The following SEPTIN9 variants were observed in gnomAD, a reference collection of about 807,000 sequenced individuals.
SEPTIN9 encodes septin-9.
In SEPTIN9, 13 loss-of-function variants were observed where a neutral mutation model predicts 56.6. That is an observed-to-expected ratio of 0.23 (90% CI 0.15 to 0.37). SEPTIN9 has a LOEUF of 0.37. SEPTIN9 is among the 10% of genes least tolerant of loss of function. The pLI is 1.00. For missense variants in SEPTIN9, 650 were observed against 823.1 expected (o/e 0.79, Z 2.57); for synonymous variants, 332 against 334.1 (o/e 0.99, Z 0.07).
At chr17:77,297,592 G>C (rs1173792469) in intron 1 of SEPTIN9, among the ~76,000 whole-genome samples, 1 of 152,206 alleles carries the variant, frequency 6.6e-6, no homozygotes, top group Non-Finnish European at 1.5e-5. Context: ...AGAAGTTGAA[G>C]ATGAACTGTT....
intron 2 of SEPTIN9, chr17:77,375,359 TC>T (rs2040867563): frequency 6.6e-6 from 1 of 152,088 alleles, no homozygotes; most frequent in South Asian, 2.1e-4. Context: ...ACAGAAAGTG[TC>T]GGGCCCCCAG....
intron 3 of SEPTIN9, among the ~76,000 whole-genome samples, chr17:77,432,119 C>A (rs1236962595): frequency 1.3e-5 from 2 of 152,190 alleles, no homozygotes; most frequent in Non-Finnish European, 2.9e-5. Flanking sequence ...CCGTGTGAAC[C>A]AGAGCCCGGC....
At chr17:77,385,889 G>A (rs2035318945) in intron 2 of SEPTIN9, among the ~76,000 whole-genome samples, 2 of 152,192 alleles carry the variant, frequency 1.3e-5, no homozygotes, top group South Asian at 4.1e-4. Context: ...AGGCCCCTGC[G>A]GCTGTGCCTT....
In SEPTIN9 at chr17:77,395,072, GT is replaced by G. The variant is rs992353776; in HGVS notation, c.77-6974del. Among the ~76,000 whole-genome samples, 307 of 138,884 alleles carry G rather than the reference GT, an allele frequency of 2.2e-3. 2 individuals are homozygous for G. The highest frequency in any genetic ancestry group is 5.5e-3 in the African/African-American group (186 of 33,908). 91.1% of individuals were successfully genotyped at this position (138,884 alleles called of 152,430 possible). ...GGCATCAAGGTCTGTGTATGTGTGT[GT>G]TTTTTTTTTTTTAATTTTGTTTTTC... On this transcript the variant is annotated intron_variant, in intron 2 of 11. Transcript: ENST00000427177.
chr17:77,424,255 G>T (rs546980482), intron 3 of SEPTIN9, among the ~76,000 whole-genome samples: 4 of 152,258 alleles, frequency 2.6e-5, no homozygotes, highest in Non-Finnish European at 5.9e-5. Flanking sequence ...CTGGCCTCAG[G>T]CCACACAGCT....
rs2035930211 is a variant in SEPTIN9, at chr17:77,402,388, G to A, written c.406G>A (p.Glu136Lys). ...GPSRFGLKRA[E>K]VLGHKTPEPA... The stretch of plus-strand genomic sequence containing the variant: ...GTCCCGGTTCGGGCTCAAGAGGGCC[G>A]AGGTGTTGGGCCACAAGACGCCAGA... Residue 136 changes from glutamate to lysine, a missense_variant, in exon 3 of 12, where the codon GAG becomes AAG. Glu to Lys is a moderately conservative substitution (Grantham distance 56, BLOSUM62 1). Transcript: ENST00000427177. The surrounding 1 kb of genome is among the most constrained non-coding windows in gnomAD (Gnocchi z 6.6). The A allele has an allele frequency of 2.5e-6, 4 of 1,611,554 alleles. No individual in the cohort carries two copies. The highest frequency in any genetic ancestry group is 3.4e-6 in the Non-Finnish European group (4 of 1,179,440).
intron 2 of SEPTIN9, among the ~76,000 whole-genome samples, chr17:77,383,834 C>G (rs755464257): frequency 2.2e-4 from 33 of 152,244 alleles, no homozygotes; most frequent in Non-Finnish European, 3.8e-4. Context: ...TGGCCTTGCC[C>G]TTGCCCACAC....
chr17:77,377,263 G>T (rs1471035505), intron 2 of SEPTIN9: 3 of 152,164 alleles, frequency 2.0e-5, no homozygotes, highest in African/African-American at 7.2e-5. Context: ...CCCGTAATAG[G>T]GTGACAAGAG....
At chr17:77,472,834 A>G (rs894987537) in intron 3 of SEPTIN9, 1 of 152,194 alleles carries the variant, frequency 6.6e-6, no homozygotes, top group East Asian at 1.9e-4. Flanking sequence ...GAGTTAGTTA[A>G]CAAATTAGAT....
chr17:77,331,386 G>A (rs2033347228), intron 2 of SEPTIN9, among the ~76,000 whole-genome samples: 1 of 151,872 alleles, frequency 6.6e-6, no homozygotes, highest in South Asian at 2.1e-4. Flanking sequence ...GTGCCTGTGT[G>A]ATATGTTTGT....
At chr17:77,494,743 G>A (rs76002597) in intron 10 of SEPTIN9, among the ~76,000 whole-genome samples, 7,855 of 152,248 alleles carry the variant, frequency 0.052, 265 homozygotes, top group Middle Eastern at 0.11. Flanking sequence ...GACCCAGAAC[G>A]GGAGGCGGCT....
At chr17:77,442,837 C>T (rs1158829720) in intron 3 of SEPTIN9, among the ~76,000 whole-genome samples, 1 of 151,906 alleles carries the variant, frequency 6.6e-6, no homozygotes, top group Non-Finnish European at 1.5e-5. Flanking sequence ...CATACCATTG[C>T]ATTCCAGTCT....
At chr17:77,311,302 A>G (rs2032482953) in intron 2 of SEPTIN9, among the ~76,000 whole-genome samples, 1 of 141,162 alleles carries the variant, frequency 7.1e-6, no homozygotes, top group African/African-American at 2.6e-5. Context: ...GGCCTCCAGC[A>G]TGGGAGAGAA....
chr17:77,467,207 C>T (rs766757322), intron 3 of SEPTIN9, among the ~76,000 whole-genome samples: 1 of 152,222 alleles, frequency 6.6e-6, no homozygotes, highest in African/African-American at 2.4e-5. Context: ...GCTAGCTCTC[C>T]GTGGCATGTC....
chr17:77,287,295 C>T lies in SEPTIN9; in HGVS notation c.19+5741C>T, dbSNP rs117778046. 1.1e-3 allele frequency among the ~76,000 whole-genome samples: 168 copies of T among 152,324 alleles called. No individual in the cohort carries two copies. In the East Asian group the frequency reaches 0.023, roughly 21 times the overall value. On this transcript the variant is annotated intron_variant, in intron 1 of 11. Coordinates refer to ENST00000427177, the MANE Select transcript of SEPTIN9 (RefSeq NM_001113491.2). ...GGGAGCAGTGAAGTGCCCCCGTGGC[C>T]GATGGGCTGGTCACCCCTGCCCCTT...
chr17:77,316,620 G>A (rs995859966), intron 2 of SEPTIN9, among the ~76,000 whole-genome samples: 3 of 152,144 alleles, frequency 2.0e-5, no homozygotes, highest in Non-Finnish European at 2.9e-5. Context: ...TCAGAGCCTC[G>A]TGGGGCCTTC....
intron 1 of SEPTIN9, among the ~76,000 whole-genome samples, chr17:77,290,259 C>CTTT (rs368699907): frequency 1.5e-5 from 2 of 135,296 alleles, no homozygotes; most frequent in Non-Finnish European, 3.2e-5. Flanking sequence ...AAAATAAATT[C>CTTT]TTTTTTTTTT....
chr17:77,372,294 T>TG (rs2034745325), intron 2 of SEPTIN9, among the ~76,000 whole-genome samples: 1 of 152,142 alleles, frequency 6.6e-6, no homozygotes, highest in Non-Finnish European at 1.5e-5. Flanking sequence ...GTGACAGACC[T>TG]GGGGGGCCCT....
Position 77,327,427 on chromosome 17 carries a change from T to C in SEPTIN9, c.76+20230T>C, listed in dbSNP as rs1382151512. On this transcript the variant is annotated intron_variant, in intron 2 of 11. Transcript: ENST00000427177. The surrounding 1 kb of genome is among the most constrained non-coding windows in gnomAD (Gnocchi z 5.0). ...CACGGTGCTCCCCAGGGTCTCCCACTGGCAAGGGCATTGGCATAGATTCTG... is the reference window on the plus strand; with the variant it reads ...CACGGTGCTCCCCAGGGTCTCCCACCGGCAAGGGCATTGGCATAGATTCTG... Among the ~76,000 whole-genome samples, 1 of 152,158 alleles carries C rather than the reference T, an allele frequency of 6.6e-6. No individual in the cohort carries two copies. The highest frequency in any genetic ancestry group is 2.1e-4 in the South Asian group (1 of 4,826).
Sources: allele counts gnomAD v4.1 joint callset (sites outside exome capture counted in the v4.1 genomes callset), GRCh38; gene constraint gnomAD v4.1.1; non-coding constraint Gnocchi (gnomAD v3.1); transcripts MANE v1.5; gene names NCBI Gene and HGNC (gene_info 2026-07-23, HGNC 2026-07-21).